The following FAM186A variants were observed in gnomAD, a reference collection of about 807,000 sequenced individuals.
FAM186A encodes the protein protein FAM186A.
FAM186A carries 163 observed loss-of-function variants against 216.8 expected under a neutral mutation model. The observed-to-expected ratio is 0.75, with a 90% CI of 0.66 to 0.86. FAM186A has a LOEUF of 0.86. Ranked by LOEUF, FAM186A falls within the 40% of genes least tolerant of loss-of-function variation. The probability of loss-of-function intolerance (pLI) is 0.00; values close to 1 mark genes in which losing one functional copy is unlikely to be tolerated. For missense variants in FAM186A, 2,184 were observed against 2,746.2 expected (o/e 0.80, Z 4.58); for synonymous variants, 805 against 1,025.3 (o/e 0.79, Z 4.10).
chr12:50,373,183 G>A (rs1295788914), intron 1 of FAM186A, among the ~76,000 whole-genome samples: 2 of 152,100 alleles, frequency 1.3e-5, no homozygotes, highest in East Asian at 3.9e-4. Context: ...CATATCACGA[G>A]GTCAGGAATT....
In FAM186A at chr12:50,356,165, T is replaced by G; in HGVS notation, c.667A>C (p.Met223Leu). The G allele has an allele frequency of 6.4e-7, 1 of 1,551,638 alleles. No homozygotes were observed. Among genetic ancestry groups the G allele is most frequent in the Middle Eastern group, 1.7e-4 (1 of 5,990 alleles). The part of the protein sequence containing the change: ...STARALRPDQ[M>L]ISDQLATNTK... ...TTTGTTGCAAGTTGATCACTAATCA[T>G]CTGATCTGGTCTTAAAGCACGGGCT... The change falls in exon 4 of 8, where the codon ATG becomes CTG. Residue 223 changes from methionine (M) to leucine (L), a missense_variant. Met to Leu is a conservative substitution (Grantham distance 15). Transcript: ENST00000327337.
chr12:50,350,562 T>G lies in FAM186A; in HGVS notation c.6270A>C (p.Val2090=), dbSNP rs1021045959. The G allele has an allele frequency of 2.6e-6, 4 of 1,551,548 alleles. No homozygotes were observed. Among genetic ancestry groups the G allele is most frequent in the Admixed American group, 2.0e-5 (1 of 50,958 alleles). ...CTTGAGGAGAGGAAGGGGGCACCAT[T>G]ACTTTGGGTTTCTTGGTATCTGAAA... ...SSVSDTKKPK[V]MVPPSSPQEL... is the part of the protein sequence containing the mutation. Residue 2090 remains valine, a synonymous_variant, in exon 4 of 8, where the codon GTA becomes GTC. Coordinates refer to ENST00000327337, the MANE Select transcript of FAM186A (RefSeq NM_001145475.3).
intron 4 of FAM186A, among the ~76,000 whole-genome samples, chr12:50,348,852 G>A (rs1023640121): frequency 5.3e-5 from 8 of 152,038 alleles, no homozygotes; most frequent in African/African-American, 1.7e-4. Context: ...AACCACGCGT[G>A]GCCATTTTTT....
At chr12:50,330,079 GT>G (rs1180073862) in intron 7 of FAM186A, among the ~76,000 whole-genome samples, 6 of 152,172 alleles carry the variant, frequency 3.9e-5, no homozygotes, top group African/African-American at 1.2e-4. Context: ...ATAATTTCTA[GT>G]GGTTTAAGTG....
chr12:50,341,089 G>A (rs1016077009), intron 4 of FAM186A, among the ~76,000 whole-genome samples: 1 of 152,016 alleles, frequency 6.6e-6, no homozygotes, highest in African/African-American at 2.4e-5. Flanking sequence ...GAGCCACCGC[G>A]CCCAGCTCAT....
intron 1 of FAM186A, among the ~76,000 whole-genome samples, chr12:50,391,589 C>T (rs1173903594): frequency 1.3e-5 from 2 of 151,712 alleles, no homozygotes; most frequent in African/African-American, 4.8e-5. Context: ...GCTGGGATTA[C>T]AGGTGTGAGC....
intron 1 of FAM186A, among the ~76,000 whole-genome samples, chr12:50,383,278 A>AAAAAAAAAAAAATAAAAAAAGAG (rs1555218962): frequency 2.0e-5 from 1 of 49,170 alleles, no homozygotes; most frequent in Non-Finnish European, 4.4e-5. Context: ...AAAAAAAAAA[A>AAAAAAAAAAAAATAAAAAAAGAG]AGAGAGAGAG....
At chr12:50,377,148 A>G (rs1470401127) in intron 1 of FAM186A, among the ~76,000 whole-genome samples, 1 of 152,154 alleles carries the variant, frequency 6.6e-6, no homozygotes, top group African/African-American at 2.4e-5. Context: ...GGTAGTAAAA[A>G]GGGGGAAAAA....
chr12:50,382,954 C>T (rs541701375), intron 1 of FAM186A, among the ~76,000 whole-genome samples: 2 of 151,888 alleles, frequency 1.3e-5, no homozygotes, highest in African/African-American at 2.4e-5. Context: ...GAAACAAGGT[C>T]GGGCATAGCG....
At chr12:50,363,710 TG>T (rs1366210920) in intron 1 of FAM186A, among the ~76,000 whole-genome samples, 2 of 150,796 alleles carry the variant, frequency 1.3e-5, no homozygotes, top group East Asian at 3.9e-4. Context: ...AATACACAGT[TG>T]ATGTGAAGTG....
At chr12:50,357,029 CAT>C (rs1319186189) in intron 3 of FAM186A, among the ~76,000 whole-genome samples, 44 of 151,354 alleles carry the variant, frequency 2.9e-4, no homozygotes, top group Non-Finnish European at 3.0e-4. Flanking sequence ...TACATACATA[CAT>C]ACATACATAC....
intron 1 of FAM186A, among the ~76,000 whole-genome samples, chr12:50,393,142 G>A (rs1399967206): frequency 6.6e-6 from 1 of 151,414 alleles, no homozygotes; most frequent in Non-Finnish European, 1.5e-5. Flanking sequence ...TAGCGAGAAT[G>A]GTCTCGATCT....
Position 50,356,020 on chromosome 12 carries a change from G to A in FAM186A, c.812C>T (p.Ala271Val), listed in dbSNP as rs1398789421. 2 of 1,551,452 alleles carry A rather than the reference G, an allele frequency of 1.3e-6. No individual in the cohort carries two copies. The highest frequency in any genetic ancestry group is 2.4e-5 in the East Asian group (1 of 40,914). Residue 271 changes from alanine to valine, a missense_variant, in exon 4 of 8, where the codon GCT becomes GTT. Coordinates refer to ENST00000327337, the MANE Select transcript of FAM186A (RefSeq NM_001145475.3). ...TAATTCATCATTTAGCATACTCAAA[G>A]CTGTAGAAAGGTTTACTATTGTTGA... ...ISSTIVNLST[A>V]LSMLNDELKC...
At position 50,350,557 on chromosome 12, in the gene FAM186A, A is replaced by G; in HGVS notation, c.6275T>C (p.Val2092Ala). The G allele has an allele frequency of 6.4e-7, 1 of 1,551,662 alleles. No individual in the cohort carries two copies. The highest frequency in any genetic ancestry group is 8.7e-7 in the Non-Finnish European group (1 of 1,146,984). Reference sequence around the variant, plus strand: ...AAGTTCTTGAGGAGAGGAAGGGGGCACCATTACTTTGGGTTTCTTGGTATC... The same window carrying G: ...AAGTTCTTGAGGAGAGGAAGGGGGCGCCATTACTTTGGGTTTCTTGGTATC... ...VSDTKKPKVM[V>A]PPSSPQELEE... Residue 2092 changes from valine to alanine, a missense_variant, in exon 4 of 8, where the codon GTG (valine) becomes GCG (alanine). Val to Ala is a moderately conservative substitution (Grantham distance 64, BLOSUM62 0). Coordinates refer to ENST00000327337, the MANE Select transcript of FAM186A (RefSeq NM_001145475.3).
chr12:50,390,640 A>G lies in FAM186A; in HGVS notation c.192+5653T>C, dbSNP rs140950164. On this transcript the variant is annotated intron_variant, in intron 1 of 7. Coordinates refer to ENST00000327337, the MANE Select transcript of FAM186A (RefSeq NM_001145475.3). ...ACCTTGCCTTTGGTGGTTGGGTGCC[A>G]CTACTGGGTCCCAGTTAGGTTTACA... Among the ~76,000 whole-genome samples, 1,289 of 152,224 alleles carry G rather than the reference A, an allele frequency of 8.5e-3. 23 individuals are homozygous for G. The highest frequency in any genetic ancestry group is 8.5e-3 in the Non-Finnish European group (575 of 68,016).
At chr12:50,387,281 G>A (rs1163873466) in intron 1 of FAM186A, among the ~76,000 whole-genome samples, 5 of 152,116 alleles carry the variant, frequency 3.3e-5, no homozygotes, top group African/African-American at 1.2e-4. Flanking sequence ...TAATTTGCTG[G>A]GGCAGCTCAC....
intron 1 of FAM186A, among the ~76,000 whole-genome samples, chr12:50,391,636 C>G (rs1002564343): frequency 2.0e-5 from 3 of 148,340 alleles, no homozygotes; most frequent in South Asian, 2.1e-4. Flanking sequence ...TTGACAGTCT[C>G]ACTGTCTCCA....
At chr12:50,339,862 G>T (rs1257433292) in intron 4 of FAM186A, among the ~76,000 whole-genome samples, 1 of 151,756 alleles carries the variant, frequency 6.6e-6, no homozygotes, top group Non-Finnish European at 1.5e-5. Flanking sequence ...TTTTGAGACA[G>T]AGTCTTACTC....
chr12:50,394,639 CTGG>C (rs1323296811), intron 1 of FAM186A, among the ~76,000 whole-genome samples: 1 of 151,060 alleles, frequency 6.6e-6, no homozygotes, highest in Non-Finnish European at 1.5e-5. Context: ...GTTGCCCAGA[CTGG>C]TCTTGAACTC....
Sources: allele counts gnomAD v4.1 joint callset (sites outside exome capture counted in the v4.1 genomes callset), GRCh38; gene constraint gnomAD v4.1.1; transcripts MANE v1.5; gene names NCBI Gene and HGNC (gene_info 2026-07-23, HGNC 2026-07-21).